The following SFSWAP variants were observed in gnomAD, a reference collection of about 807,000 sequenced individuals.
SFSWAP encodes splicing factor SWAP.
A neutral mutation model predicts 100.7 loss-of-function variants in SFSWAP; 17 were observed. The ratio of observed to expected loss-of-function variants is 0.17; its 90% CI spans 0.12 to 0.25. The LOEUF (loss-of-function observed/expected upper bound fraction) is 0.25. Among genes scored for constraint, SFSWAP ranks in the 10% least tolerant of loss-of-function variants. SFSWAP has a pLI of 1.00. For missense variants in SFSWAP, 1,005 were observed against 1,262.6 expected, an observed-to-expected ratio of 0.80 and a Z score of 3.09; for synonymous variants, 504 against 510.1, an observed-to-expected ratio of 0.99 and a Z score of 0.16.
intron 15 of SFSWAP, 108 bp downstream of exon 15, chr12:131,786,696 G>A: frequency 1.6e-6 from 2 of 1,265,154 alleles, no homozygotes; most frequent in Non-Finnish European, 2.2e-6. Flanking sequence ...GATGACCAGA[G>A]GGAGGTGCTG....
intron 11 of SFSWAP, chr12:131,757,028 C>A: frequency 5.8e-6 from 1 of 172,010 alleles, no homozygotes; most frequent in Non-Finnish European, 1.2e-5. Flanking sequence ...CTCTACCAGG[C>A]AATACTTCAC....
chr12:131,766,654 C>T (rs539321362), intron 13 of SFSWAP, among the ~76,000 whole-genome samples: 6 of 152,208 alleles, frequency 3.9e-5, no homozygotes, highest in South Asian at 2.1e-4. Flanking sequence ...ACTGAAGCCC[C>T]GCCTCCGCAG....
intron 4 of SFSWAP, among the ~76,000 whole-genome samples, chr12:131,724,636 C>T (rs560044125): frequency 4.6e-5 from 7 of 152,356 alleles, no homozygotes; most frequent in African/African-American, 1.7e-4. Context: ...GTGTGGCTTT[C>T]AGCCTTTGGT....
rs555447552 is a variant in SFSWAP, at chr12:131,793,092, CT to C, written c.2535-4074del. Reference sequence around the variant, plus strand: ...AGTGAGGAAAAAGAGAAAGGAAAGTCTTTTTTTTTTTTGAGACAGGGTCTCA... The same window carrying C: ...AGTGAGGAAAAAGAGAAAGGAAAGTCTTTTTTTTTTTGAGACAGGGTCTCA... On this transcript the variant is annotated intron_variant, in intron 15 of 17. Transcript: ENST00000261674. Among the ~76,000 whole-genome samples the C allele has an allele frequency of 1.6e-3, 231 of 145,476 alleles. 2 individuals carry two copies. The highest frequency in any genetic ancestry group is 2.1e-3 in the Admixed American group (31 of 14,538).
At chr12:131,790,379 C>G (rs765203561) in intron 15 of SFSWAP, among the ~76,000 whole-genome samples, 1 of 152,178 alleles carries the variant, frequency 6.6e-6, no homozygotes, top group Non-Finnish European at 1.5e-5. Context: ...TCAAGGACCT[C>G]TGGTTCCTTT....
chr12:131,754,697 G>T (rs544302017), intron 9 of SFSWAP, among the ~76,000 whole-genome samples, 198 bp downstream of exon 9: 1 of 139,688 alleles, frequency 7.2e-6, no homozygotes, highest in African/African-American at 2.7e-5. Flanking sequence ...GCAGTGGCGC[G>T]ATCTTGATTG....
chr12:131,759,756 T>C (rs1369899478), intron 11 of SFSWAP, among the ~76,000 whole-genome samples: 2 of 150,112 alleles, frequency 1.3e-5, no homozygotes, highest in Non-Finnish European at 3.0e-5. Context: ...GAACCGAGAC[T>C]GCGCCACTGT....
intron 15 of SFSWAP, among the ~76,000 whole-genome samples, chr12:131,789,103 C>G (rs1885084144): frequency 1.3e-5 from 2 of 152,208 alleles, no homozygotes; most frequent in South Asian, 4.1e-4. Context: ...ACCTCAGCCT[C>G]CTGTGTAGCT....
At position 131,727,019 on chromosome 12, in the gene SFSWAP, C is replaced by T; in HGVS notation, c.912C>T (p.Ser304=). 1 of 1,603,396 alleles carries T rather than the reference C, an allele frequency of 6.2e-7. No homozygotes were observed. Among genetic ancestry groups the T allele is most frequent in the Non-Finnish European group, 8.5e-7 (1 of 1,173,646 alleles). Residue 304 remains serine (S), a synonymous_variant, in exon 6 of 18, where the codon TCC becomes TCT. Coordinates refer to ENST00000261674, the MANE Select transcript of SFSWAP (RefSeq NM_004592.4). ...ACCTTCATCCCTCTCTCTTTGCCTCCAAGAAGTGTAACCGCCTTGAAGAGC... is the reference window on the plus strand; with the variant it reads ...ACCTTCATCCCTCTCTCTTTGCCTCTAAGAAGTGTAACCGCCTTGAAGAGC... The part of the protein sequence containing the change: ...GNYLHPSLFA[S]KKCNRLEELM...
intron 11 of SFSWAP, 135 bp downstream of exon 11, chr12:131,756,779 G>C: frequency 2.8e-6 from 2 of 722,638 alleles, no homozygotes; most frequent in Non-Finnish European, 4.5e-6. Context: ...GGTTGCTGTG[G>C]TGAAACCTCT....
intron 16 of SFSWAP, among the ~76,000 whole-genome samples, chr12:131,797,772 T>G (rs1427660160): frequency 2.0e-5 from 3 of 152,192 alleles, no homozygotes; most frequent in Non-Finnish European, 4.4e-5. Flanking sequence ...CGCCAACCTG[T>G]CACCGGGCAT....
Position 131,729,683 on chromosome 12 carries a change from A to G in SFSWAP, c.1081+1255A>G, listed in dbSNP as rs557113465. Among the ~76,000 whole-genome samples the G allele has an allele frequency of 5.3e-5, 8 of 152,258 alleles. No homozygotes were observed. The South Asian group carries it at 1.7e-3, about 32-fold the overall frequency. On this transcript the variant is annotated intron_variant, in intron 7 of 17. Coordinates refer to ENST00000261674, the MANE Select transcript of SFSWAP (RefSeq NM_004592.4). Reference sequence around the variant, plus strand: ...TGGTTCCAGCGTCAGGTCTTTCTGTAATTGTTTTATTCAGAGGTTAAATAT... The same window carrying G: ...TGGTTCCAGCGTCAGGTCTTTCTGTGATTGTTTTATTCAGAGGTTAAATAT...
chr12:131,751,928 T>C (rs548743941), intron 7 of SFSWAP, among the ~76,000 whole-genome samples: 3 of 152,360 alleles, frequency 2.0e-5, no homozygotes, highest in Non-Finnish European at 4.4e-5. Flanking sequence ...TTTGAAAATT[T>C]GGAGTATTAC....
chr12:131,786,232 G>A (rs1884877602), intron 14 of SFSWAP, among the ~76,000 whole-genome samples: 1 of 152,210 alleles, frequency 6.6e-6, no homozygotes, highest in Admixed American at 6.5e-5. Flanking sequence ...ATAAGTGTGT[G>A]GAACGGGAGA....
chr12:131,797,571 C>G (rs116207453), intron 16 of SFSWAP, among the ~76,000 whole-genome samples: 2,436 of 152,370 alleles, frequency 0.016, 68 homozygotes, highest in African/African-American at 0.053. Flanking sequence ...AGGTCCTGTA[C>G]TGGGGAGACC....
chr12:131,791,589 A>G (rs988058798), intron 15 of SFSWAP, among the ~76,000 whole-genome samples: 5 of 151,670 alleles, frequency 3.3e-5, no homozygotes, highest in African/African-American at 7.3e-5. Context: ...TGTCTCTACT[A>G]TAAGTACAAA....
intron 12 of SFSWAP, among the ~76,000 whole-genome samples, chr12:131,765,279 T>G (rs976302020): frequency 7.9e-5 from 12 of 152,390 alleles, no homozygotes; most frequent in African/African-American, 2.9e-4. Flanking sequence ...GCATTGTGGT[T>G]GTTATCTATT....
intron 15 of SFSWAP, among the ~76,000 whole-genome samples, chr12:131,789,229 ATC>A (rs1446320549): frequency 6.6e-6 from 1 of 152,126 alleles, no homozygotes; most frequent in African/African-American, 2.4e-5. Flanking sequence ...CAGTCTGCCT[ATC>A]TCAGCCTCCC....
intron 13 of SFSWAP, among the ~76,000 whole-genome samples, chr12:131,776,773 T>G (rs981348443): frequency 3.9e-5 from 6 of 152,222 alleles, no homozygotes; most frequent in Non-Finnish European, 8.8e-5. Context: ...ATTGCAGATT[T>G]TTCACTGTGT....
Sources: allele counts gnomAD v4.1 joint callset (sites outside exome capture counted in the v4.1 genomes callset), GRCh38; gene constraint gnomAD v4.1.1; transcripts MANE v1.5; gene names NCBI Gene and HGNC (gene_info 2026-07-23, HGNC 2026-07-21).